Variants in UST observed in about 807,000 individuals in gnomAD.
The protein encoded by UST is uronyl 2-sulfotransferase.
Under a neutral mutation model 45.6 loss-of-function variants are expected in UST, and 21 were observed. The observed-to-expected ratio is 0.46, with a 90% confidence interval of 0.33 to 0.66. The LOEUF (loss-of-function observed/expected upper bound fraction) is 0.66. Ranked by LOEUF, UST falls within the 30% of genes least tolerant of loss-of-function variation. The pLI is 0.02. For synonymous variants in UST, 215 were observed against 200.6 expected, an observed-to-expected ratio of 1.07 and a Z score of -0.61; for missense variants, 463 against 512.4, an observed-to-expected ratio of 0.90 and a Z score of 0.93.
At chr6:148,776,818 A>G (rs1459708145) in intron 1 of UST, among the ~76,000 whole-genome samples, 3 of 152,138 alleles carry the variant, frequency 2.0e-5, no homozygotes, top group Non-Finnish European at 4.4e-5. Flanking sequence ...TCTGGCTGTG[A>G]TACAGTCATC....
intron 2 of UST, among the ~76,000 whole-genome samples, chr6:148,912,879 A>C (rs530791582): frequency 2.6e-4 from 39 of 152,150 alleles, no homozygotes; most frequent in Non-Finnish European, 1.5e-4. Flanking sequence ...TACAGGGTGC[A>C]CCTCAGTTGT....
At chr6:148,830,609 T>C (rs186435266) in intron 1 of UST, among the ~76,000 whole-genome samples, 1 of 152,340 alleles carries the variant, frequency 6.6e-6, no homozygotes, top group African/African-American at 2.4e-5. Context: ...TTTTTTGGAT[T>C]AGAAACTAGG....
intron 2 of UST, among the ~76,000 whole-genome samples, chr6:148,902,933 A>T (rs1003301815): frequency 2.0e-5 from 3 of 152,090 alleles, no homozygotes; most frequent in African/African-American, 7.2e-5. Context: ...CCTTATTATA[A>T]CATTCTTTGG....
chr6:148,868,753 G>T (rs913093453), intron 1 of UST, among the ~76,000 whole-genome samples: 3 of 152,116 alleles, frequency 2.0e-5, no homozygotes, highest in African/African-American at 7.2e-5. Context: ...TGAAAAATGT[G>T]CAGGAAGACT....
chr6:148,803,130 A>G (rs1195175649), intron 1 of UST, among the ~76,000 whole-genome samples: 1 of 152,112 alleles, frequency 6.6e-6, no homozygotes, highest in Non-Finnish European at 1.5e-5. Context: ...TACTGTTGCA[A>G]TTGCTGACTT....
intron 1 of UST, among the ~76,000 whole-genome samples, chr6:148,834,710 TAGAG>T (rs141854288): frequency 6.6e-6 from 1 of 151,846 alleles, no homozygotes. Flanking sequence ...GCCTGGGCAA[TAGAG>T]AGAGATCCTG....
intron 1 of UST, among the ~76,000 whole-genome samples, chr6:148,886,481 G>C (rs17079441): frequency 6.6e-6 from 1 of 152,144 alleles, no homozygotes; most frequent in Non-Finnish European, 1.5e-5. Flanking sequence ...ATCAAGCTCC[G>C]GAAGCAAGCT....
intron 7 of UST, among the ~76,000 whole-genome samples, chr6:149,072,696 C>A (rs1776837222): frequency 6.7e-6 from 1 of 150,100 alleles, no homozygotes; most frequent in South Asian, 2.1e-4. Flanking sequence ...CACACTACAA[C>A]ATGGAAGAAC....
intron 1 of UST, among the ~76,000 whole-genome samples, chr6:148,844,456 A>G (rs62426082): frequency 0.075 from 11,346 of 152,234 alleles, 495 homozygotes; most frequent in Non-Finnish European, 0.11. Flanking sequence ...TCTTACATGT[A>G]CAGTTTGATG....
intron 1 of UST, among the ~76,000 whole-genome samples, chr6:148,802,865 T>G (rs542630775): frequency 3.2e-4 from 49 of 152,294 alleles, no homozygotes; most frequent in African/African-American, 1.1e-3. Flanking sequence ...GGAGGCTATT[T>G]TGGTCCCCTT....
At chr6:148,945,614 A>G (rs1388035742) in intron 3 of UST, among the ~76,000 whole-genome samples, 2 of 152,260 alleles carry the variant, frequency 1.3e-5, no homozygotes, top group African/African-American at 4.8e-5. Flanking sequence ...TTATGGTTCA[A>G]TAAATTTGGT....
chr6:148,759,487 A>G (rs11754241), intron 1 of UST, among the ~76,000 whole-genome samples: 57,586 of 151,020 alleles, frequency 0.38, 10,986 homozygotes, highest in South Asian at 0.43. Flanking sequence ...AGATCGCACC[A>G]CTGCACTCCA....
chr6:149,069,321 G>A (rs1434257095), intron 7 of UST, among the ~76,000 whole-genome samples: 1 of 152,164 alleles, frequency 6.6e-6, no homozygotes, highest in Non-Finnish European at 1.5e-5. Context: ...TCTCCATACT[G>A]TTTACCATAG....
At chr6:148,771,638 A>C (rs1355274492) in intron 1 of UST, among the ~76,000 whole-genome samples, 3 of 152,356 alleles carry the variant, frequency 2.0e-5, no homozygotes, top group East Asian at 3.9e-4. Context: ...TAGAATTTAA[A>C]GGCATCTTTC....
intron 1 of UST, among the ~76,000 whole-genome samples, chr6:148,786,440 G>A (rs1003841597): frequency 4.0e-5 from 6 of 151,888 alleles, no homozygotes; most frequent in African/African-American, 7.3e-5. Flanking sequence ...CCCATATATC[G>A]ATGTGTTCTC....
At chr6:148,990,322 CAAAG>C (rs1781323885) in intron 5 of UST, 7 of 901,550 alleles carry the variant, frequency 7.8e-6, no homozygotes, top group Non-Finnish European at 9.3e-6. Context: ...TATTTGAAGA[CAAAG>C]AATAAGATTT....
At chr6:148,766,206 CCT>C (rs1456011218) in intron 1 of UST, among the ~76,000 whole-genome samples, 2 of 152,084 alleles carry the variant, frequency 1.3e-5, no homozygotes, top group African/African-American at 4.8e-5. Context: ...AGATTTTTTC[CCT>C]GTCACCTTGT....
rs1165179256 is a variant in UST, at chr6:149,049,923, T to TCACACACACACACA, written c.938-23909_938-23908insACACACACACACAC. On this transcript the variant is annotated intron_variant, in intron 7 of 7. Coordinates refer to ENST00000367463, the MANE Select transcript of UST (RefSeq NM_005715.3). Reference sequence around the variant, plus strand: ...AACTCACCTTGTCTCTCTCTCTCTCTCTCTCTCTCACACACACACACACAC... The same window carrying TCACACACACACACA: ...AACTCACCTTGTCTCTCTCTCTCTCTCACACACACACACACTCTCTCTCACACACACACACACAC... 5.0e-3 allele frequency among the ~76,000 whole-genome samples: 518 copies of TCACACACACACACA among 102,860 alleles called. 4 individuals are homozygous for TCACACACACACACA. The highest frequency in any genetic ancestry group is 0.017 in the African/African-American group (499 of 29,006). The allele number at this position is 102,860 out of a possible 152,430, so 67.5% of individuals were successfully genotyped here. A position where few individuals can be genotyped will look rare whatever the true frequency, so the allele number is the denominator to read the frequency against.
At chr6:149,021,252 G>A (rs146417490) in intron 6 of UST, 72 bp from the exon 7 acceptor site, 1 of 1,495,174 alleles carries the variant, frequency 6.7e-7, no homozygotes, top group Non-Finnish European at 9.0e-7. Flanking sequence ...GGTAGAGGGG[G>A]TAAACTCTCA....
Sources: allele counts gnomAD v4.1 joint callset (sites outside exome capture counted in the v4.1 genomes callset), GRCh38; gene constraint gnomAD v4.1.1; transcripts MANE v1.5; gene names NCBI Gene and HGNC (gene_info 2026-07-23, HGNC 2026-07-21).